Variants in CYP3A43 observed in about 807,000 individuals in gnomAD.
CYP3A43 encodes cytochrome P450 3A43.
CYP3A43 carries 45 observed loss-of-function variants against 58.0 expected under a neutral mutation model. The ratio of observed to expected loss-of-function variants is 0.78; its 90% CI spans 0.61 to 0.99. CYP3A43 has a LOEUF of 0.99. Among genes scored for constraint, CYP3A43 ranks in the 50% least tolerant of loss-of-function variants. The probability of loss-of-function intolerance (pLI) is 0.00; values close to 1 mark genes in which losing one functional copy is unlikely to be tolerated. For synonymous variants in CYP3A43, 191 were observed against 201.4 expected (o/e 0.95, Z 0.44); for missense variants, 593 against 591.9 (o/e 1.00, Z -0.02).
In CYP3A43 at chr7:99,861,654, T is replaced by C; in HGVS notation, c.1068T>C (p.Leu356=). The change falls in exon 11 of 13, where the codon CTT becomes CTC. Residue 356 remains leucine (L), a synonymous_variant. Coordinates refer to ENST00000354829, the MANE Select transcript of CYP3A43 (RefSeq NM_057095.3). ...TYDALVQMEY[L]DMVVNETLRL... ...ATGCCCTGGTACAGATGGAGTACCT[T>C]GACATGGTGGTGAATGAAACGCTCA... 6.2e-7 allele frequency: 1 copy of C among 1,614,156 alleles called. No individual in the cohort carries two copies. Among genetic ancestry groups the C allele is most frequent in the African/African-American group, 1.3e-5 (1 of 75,038 alleles).
intron 1 of CYP3A43, among the ~76,000 whole-genome samples, chr7:99,834,223 C>T (rs976437966): frequency 3.3e-5 from 5 of 152,158 alleles, no homozygotes; most frequent in Admixed American, 3.3e-4. Flanking sequence ...TCAAGGACTG[C>T]CCGCAACCTT....
intron 2 of CYP3A43, chr7:99,838,903 C>A: frequency 1.6e-6 from 1 of 606,378 alleles, no homozygotes; most frequent in Non-Finnish European, 2.8e-6. Context: ...GAGCTTGAAC[C>A]CAGAAGGCAG....
rs761952066 is a variant in CYP3A43, at chr7:99,856,894, A to AT, written c.861dup (p.Lys288Ter). ...CAGAATTCCAAAGAAACAAAGTCCC[A>AT]TAAAGGTAACCAAGAACTGCATCTG... On this transcript the variant is annotated frameshift_variant, in exon 9 of 13. Coordinates refer to ENST00000354829, the MANE Select transcript of CYP3A43 (RefSeq NM_057095.3). LOFTEE classifies it high-confidence loss of function. 7.4e-6 allele frequency: 12 copies of AT among 1,613,938 alleles called. No individual in the cohort carries two copies. The South Asian group carries it at 1.2e-4, about 16-fold the overall frequency.
intron 11 of CYP3A43, among the ~76,000 whole-genome samples, chr7:99,862,601 G>A (rs918715798): frequency 6.6e-6 from 1 of 152,320 alleles, no homozygotes; most frequent in African/African-American, 2.4e-5. Flanking sequence ...CCAAGGTCAA[G>A]CTTTGGGCAC....
chr7:99,830,046 T>C (rs1434609154), intron 1 of CYP3A43, among the ~76,000 whole-genome samples: 1 of 152,114 alleles, frequency 6.6e-6, no homozygotes, highest in Non-Finnish European at 1.5e-5. Context: ...CAAAGGAAAT[T>C]GAAAGGTCTC....
chr7:99,856,048 T>A (rs1817967550), intron 8 of CYP3A43, among the ~76,000 whole-genome samples: 2 of 152,218 alleles, frequency 1.3e-5, no homozygotes, highest in African/African-American at 4.8e-5. Flanking sequence ...TCTGACTGGA[T>A]AAAAATGACT....
At chr7:99,864,287 T>G (rs988877473) in intron 12 of CYP3A43, among the ~76,000 whole-genome samples, 2 of 148,984 alleles carry the variant, frequency 1.3e-5, no homozygotes, top group Non-Finnish European at 2.9e-5. Context: ...TTCTGCCAGA[T>G]AGAAAAGATA....
At chr7:99,844,113 G>A (rs752603954) in intron 3 of CYP3A43, 30 bp from the exon 4 acceptor site, 3 of 1,578,986 alleles carry the variant, frequency 1.9e-6, no homozygotes, top group East Asian at 2.2e-5. Context: ...GGCAAGCGAG[G>A]TTTAGTCAGC....
intron 10 of CYP3A43, 36 bp from the exon 11 acceptor site, chr7:99,861,577 A>G (rs371594922): frequency 6.3e-7 from 1 of 1,585,586 alleles, no homozygotes; most frequent in Non-Finnish European, 8.6e-7. Flanking sequence ...TTAATTCCCA[A>G]TCTCAATTTA....
In CYP3A43 at chr7:99,838,247, T is replaced by C. The variant is rs554123189; in HGVS notation, c.166-873T>C. ...AAAACTGGAAAGTGAGTCCACTCTG[T>C]CATTTGCCCACTCACTCATTTTCTC... On this transcript the variant is annotated intron_variant, in intron 2 of 12. Transcript: ENST00000354829. Among the ~76,000 whole-genome samples the C allele has an allele frequency of 3.3e-5, 5 of 152,358 alleles. 1 individual carries two copies. The South Asian group carries it at 1.0e-3, about 32-fold the overall frequency.
intron 1 of CYP3A43, among the ~76,000 whole-genome samples, chr7:99,835,868 A>G (rs1279196064): frequency 6.6e-6 from 1 of 152,216 alleles, no homozygotes; most frequent in Non-Finnish European, 1.5e-5. Flanking sequence ...GGGCATAGAC[A>G]TTTGCAGCAT....
chr7:99,837,480 T>A (rs1817145100), intron 2 of CYP3A43, among the ~76,000 whole-genome samples: 1 of 152,192 alleles, frequency 6.6e-6, no homozygotes, highest in Admixed American at 6.5e-5. Context: ...CTCCCCAGGA[T>A]GTATTTTACA....
chr7:99,850,877 C>T (rs1015839671), intron 7 of CYP3A43, among the ~76,000 whole-genome samples: 1 of 152,120 alleles, frequency 6.6e-6, no homozygotes, highest in Non-Finnish European at 1.5e-5. Context: ...TATAGATATG[C>T]TGCATTTTGC....
intron 2 of CYP3A43, 38 bp from the exon 3 acceptor site, chr7:99,839,082 G>A (rs777338048): frequency 2.0e-5 from 33 of 1,613,082 alleles, no homozygotes; most frequent in Admixed American, 1.0e-4. Context: ...CAGTACATTC[G>A]AAATAATACT....
chr7:99,853,902 G>A (rs1563068917), intron 7 of CYP3A43, among the ~76,000 whole-genome samples: 2 of 152,106 alleles, frequency 1.3e-5, no homozygotes, highest in Non-Finnish European at 2.9e-5. Context: ...CACAGTTGGT[G>A]TATGCATTTA....
intron 1 of CYP3A43, among the ~76,000 whole-genome samples, chr7:99,834,222 G>A (rs1816968684): frequency 6.6e-6 from 1 of 152,102 alleles, no homozygotes; most frequent in African/African-American, 2.4e-5. Flanking sequence ...TTCAAGGACT[G>A]CCCGCAACCT....
intron 2 of CYP3A43, among the ~76,000 whole-genome samples, chr7:99,837,634 A>G (rs1394909003): frequency 6.6e-6 from 1 of 152,208 alleles, no homozygotes; most frequent in African/African-American, 2.4e-5. Context: ...TAACCACAAA[A>G]TGAGTTCTGT....
chr7:99,861,652 C>T lies in CYP3A43; in HGVS notation c.1066C>T (p.Leu356Phe). The T allele has an allele frequency of 6.2e-7, 1 of 1,614,130 alleles. No individual in the cohort carries two copies. The highest frequency in any genetic ancestry group is 8.5e-7 in the Non-Finnish European group (1 of 1,180,014). ...CGATGCCCTGGTACAGATGGAGTAC[C>T]TTGACATGGTGGTGAATGAAACGCT... is the stretch of plus-strand genomic sequence containing the variant. ...TYDALVQMEY[L>F]DMVVNETLRL... is the part of the protein sequence containing the mutation. The change falls in exon 11 of 13, where the codon CTT becomes TTT. Residue 356 changes from leucine to phenylalanine, a missense_variant. By Grantham distance (22) the Leu-to-Phe change is conservative. Transcript: ENST00000354829.
intron 7 of CYP3A43, among the ~76,000 whole-genome samples, chr7:99,852,181 T>C (rs1817788038): frequency 6.6e-6 from 1 of 152,246 alleles, no homozygotes; most frequent in South Asian, 2.1e-4. Flanking sequence ...TATGCCAGTA[T>C]CACATTGTCC....
Sources: gnomAD v4.1 joint callset for allele counts (sites outside exome capture counted in the v4.1 genomes callset) on GRCh38, gnomAD v4.1.1 for gene constraint, MANE v1.5 for transcripts, NCBI Gene and HGNC (gene_info 2026-07-23, HGNC 2026-07-21) for gene names.